The following GALNTL6 variants were observed in gnomAD, a reference collection of about 807,000 sequenced individuals.
The protein encoded by GALNTL6 is polypeptide N-acetylgalactosaminyltransferase-like 6.
A neutral mutation model predicts 73.7 loss-of-function variants in GALNTL6; 46 were observed. That is an observed-to-expected ratio of 0.62 (90% CI 0.49 to 0.80). The LOEUF is 0.80. Ranked by LOEUF, GALNTL6 falls within the 30% of genes least tolerant of loss-of-function variation. The pLI is 0.00. For synonymous variants in GALNTL6, 259 were observed against 263.7 expected, an observed-to-expected ratio of 0.98 and a Z score of 0.17; for missense variants, 604 against 755.0, an observed-to-expected ratio of 0.80 and a Z score of 2.34.
intron 2 of GALNTL6, among the ~76,000 whole-genome samples, chr4:172,106,918 G>A (rs113861171): frequency 8.3e-4 from 126 of 152,344 alleles, no homozygotes; most frequent in Non-Finnish European, 1.5e-3. Flanking sequence ...TTGTTGCCCA[G>A]GCTGGAGTGC....
At chr4:171,818,665 A>G (rs1734593788) in intron 2 of GALNTL6, among the ~76,000 whole-genome samples, 1 of 151,760 alleles carries the variant, frequency 6.6e-6, no homozygotes, top group South Asian at 2.1e-4. Context: ...CTATTTTTAA[A>G]GTAGGACTCT....
At chr4:172,878,327 T>C (rs1425913985) in intron 7 of GALNTL6, among the ~76,000 whole-genome samples, 1 of 151,938 alleles carries the variant, frequency 6.6e-6, no homozygotes, top group Non-Finnish European at 1.5e-5. Flanking sequence ...AGAGAAATGG[T>C]GTTCATAATA....
chr4:172,842,933 A>G (rs1435053732), intron 7 of GALNTL6, among the ~76,000 whole-genome samples: 1 of 152,168 alleles, frequency 6.6e-6, no homozygotes, highest in East Asian at 1.9e-4. Flanking sequence ...ACAGGAACAA[A>G]TGGACAGAGA....
At chr4:172,438,327 A>G (rs1731709875) in intron 5 of GALNTL6, among the ~76,000 whole-genome samples, 2 of 151,844 alleles carry the variant, frequency 1.3e-5, no homozygotes, top group Non-Finnish European at 1.5e-5. Context: ...TGTAACTGCA[A>G]ACCTCATATA....
intron 5 of GALNTL6, among the ~76,000 whole-genome samples, chr4:172,471,919 C>G (rs1208110947): frequency 6.6e-6 from 1 of 152,142 alleles, no homozygotes; most frequent in East Asian, 1.9e-4. Context: ...ACTTAGCCAA[C>G]AATTCAGTTT....
chr4:172,652,839 A>G (rs1280471965), intron 5 of GALNTL6, among the ~76,000 whole-genome samples: 1 of 152,128 alleles, frequency 6.6e-6, no homozygotes, highest in East Asian at 1.9e-4. Context: ...CCTTTTTCCA[A>G]TATAAGAAGG....
At position 172,846,117 on chromosome 4, in the gene GALNTL6, C is replaced by T. The variant is rs138969122; in HGVS notation, c.923+32394C>T. ...AATCAAATGTATCTAGTGTCCTTCT[C>T]AACTGAGCCCTGGCCCCAGTAGGGA... On this transcript the variant is annotated intron_variant, in intron 7 of 12. Transcript: ENST00000506823. Among the ~76,000 whole-genome samples, 289 of 152,280 alleles carry T rather than the reference C, an allele frequency of 1.9e-3. 1 individual carries two copies. The highest frequency in any genetic ancestry group is 6.7e-3 in the African/African-American group (279 of 41,558).
intron 2 of GALNTL6, among the ~76,000 whole-genome samples, chr4:171,923,311 C>T (rs1018319007): frequency 1.3e-5 from 2 of 151,800 alleles, no homozygotes; most frequent in Non-Finnish European, 2.9e-5. Flanking sequence ...TGAAATGTGC[C>T]TGTTATGGTG....
At chr4:172,902,005 G>A (rs1280126362) in intron 8 of GALNTL6, among the ~76,000 whole-genome samples, 1 of 152,116 alleles carries the variant, frequency 6.6e-6, no homozygotes, top group East Asian at 1.9e-4. Context: ...GCAGGGGTTG[G>A]GGGACAGAGA....
At chr4:172,425,222 G>C (rs1433531796) in intron 5 of GALNTL6, 1 of 151,974 alleles carries the variant, frequency 6.6e-6, no homozygotes, top group South Asian at 2.1e-4. Context: ...ACAGAGATAC[G>C]CTATGGCACA....
chr4:172,539,016 T>G (rs899650181), intron 5 of GALNTL6, among the ~76,000 whole-genome samples: 1 of 152,152 alleles, frequency 6.6e-6, no homozygotes, highest in Non-Finnish European at 1.5e-5. Flanking sequence ...CTCCTTATAT[T>G]CACTGGAAGA....
intron 2 of GALNTL6, among the ~76,000 whole-genome samples, chr4:171,846,504 T>C (rs1735374576): frequency 1.3e-5 from 2 of 152,098 alleles, no homozygotes; most frequent in South Asian, 2.1e-4. Flanking sequence ...TGAATTTCAA[T>C]TGTAGCATCT....
intron 2 of GALNTL6, among the ~76,000 whole-genome samples, chr4:172,081,366 A>G (rs1467066233): frequency 6.6e-6 from 1 of 152,224 alleles, no homozygotes. Flanking sequence ...CTGGGTGGGC[A>G]TGGTGGCTCA....
At chr4:172,865,919 T>G (rs1334021042) in intron 7 of GALNTL6, among the ~76,000 whole-genome samples, 1 of 152,188 alleles carries the variant, frequency 6.6e-6, no homozygotes, top group Admixed American at 6.5e-5. Context: ...CGACTCTCAG[T>G]TTCAGGGAAT....
At chr4:172,852,558 G>A (rs1310918378) in intron 7 of GALNTL6, among the ~76,000 whole-genome samples, 1 of 152,158 alleles carries the variant, frequency 6.6e-6, no homozygotes, top group African/African-American at 2.4e-5. Flanking sequence ...AAAACTAGCA[G>A]TCTTGCAGCA....
intron 5 of GALNTL6, among the ~76,000 whole-genome samples, chr4:172,771,514 T>C (rs1278672070): frequency 1.3e-5 from 2 of 152,246 alleles, no homozygotes; most frequent in Non-Finnish European, 2.9e-5. Context: ...GTGTCAGGTG[T>C]ATTTCACATT....
chr4:172,856,441 C>T (rs928862629), intron 7 of GALNTL6, among the ~76,000 whole-genome samples: 1 of 152,128 alleles, frequency 6.6e-6, no homozygotes, highest in Non-Finnish European at 1.5e-5. Flanking sequence ...AGCCTTTTCA[C>T]TTTTTTTGCC....
intron 2 of GALNTL6, among the ~76,000 whole-genome samples, chr4:172,188,367 C>A (rs1023400391): frequency 6.6e-6 from 1 of 152,108 alleles, no homozygotes; most frequent in Non-Finnish European, 1.5e-5. Flanking sequence ...AAATTCCCAC[C>A]ATGAAAAGCT....
At chr4:172,771,857 T>G (rs17058894) in intron 5 of GALNTL6, among the ~76,000 whole-genome samples, 6,851 of 152,272 alleles carry the variant, frequency 0.045, 276 homozygotes, top group African/African-American at 0.1. Context: ...TCAATCTTTT[T>G]TTTTTCTAAG....
Sources: allele counts gnomAD v4.1 joint callset (sites outside exome capture counted in the v4.1 genomes callset), GRCh38; gene constraint gnomAD v4.1.1; transcripts MANE v1.5; gene names NCBI Gene and HGNC (gene_info 2026-07-23, HGNC 2026-07-21).